GALNT13: variants seen among roughly 807,000 people sequenced by gnomAD.
The protein encoded by GALNT13 is polypeptide N-acetylgalactosaminyltransferase 13.
A neutral mutation model predicts 64.2 loss-of-function variants in GALNT13; 28 were observed. The ratio of observed to expected loss-of-function variants is 0.44; its 90% CI spans 0.32 to 0.60. GALNT13 has a LOEUF of 0.60. Among genes scored for constraint, GALNT13 ranks in the 20% least tolerant of loss-of-function variants. GALNT13 has a pLI of 0.05. For synonymous variants in GALNT13, 214 were observed against 224.6 expected (o/e 0.95, Z 0.42); for missense variants, 577 against 669.8 (o/e 0.86, Z 1.53).
At chr2:154,197,031 C>T (rs564799857) in intron 4 of GALNT13, among the ~76,000 whole-genome samples, 37 of 152,224 alleles carry the variant, frequency 2.4e-4, no homozygotes, top group African/African-American at 7.9e-4. Context: ...AAAGCCTTTT[C>T]GATGTTCAAA....
chr2:153,861,606 G>A, the GALNT13 span, among the ~76,000 whole-genome samples: 4 of 137,214 alleles, frequency 2.9e-5, no homozygotes, highest in Non-Finnish European at 6.1e-5. Flanking sequence ...CGCTGTTGTC[G>A]CCCAGGCTGG....
intron 9 of GALNT13, among the ~76,000 whole-genome samples, chr2:154,348,216 T>C (rs1230584561): frequency 1.3e-5 from 2 of 152,180 alleles, no homozygotes; most frequent in Non-Finnish European, 2.9e-5. Context: ...GCTTAACCAC[T>C]GTGCAATCCT....
the GALNT13 span, among the ~76,000 whole-genome samples, chr2:153,488,356 C>G: frequency 3.9e-4 from 60 of 152,188 alleles, no homozygotes; most frequent in Non-Finnish European, 1.0e-4. Context: ...ACACGCAGTC[C>G]TTGCTAGGGT....
At chr2:154,100,900 G>GTTT (rs1702313784) in intron 3 of GALNT13, among the ~76,000 whole-genome samples, 1 of 151,848 alleles carries the variant, frequency 6.6e-6, no homozygotes, top group Non-Finnish European at 1.5e-5. Flanking sequence ...TTTGTTGAGA[G>GTTT]TTTTTATTTA....
At chr2:153,896,370 G>T (rs1687897968) in intron 1 of GALNT13, among the ~76,000 whole-genome samples, 1 of 149,662 alleles carries the variant, frequency 6.7e-6, no homozygotes, top group African/African-American at 2.4e-5. Flanking sequence ...ATATTTAATA[G>T]GTATATATCA....
At chr2:153,910,455 T>G (rs12053137) in intron 2 of GALNT13, among the ~76,000 whole-genome samples, 108,661 of 151,930 alleles carry the variant, frequency 0.72, 39,140 homozygotes, top group East Asian at 0.9. Flanking sequence ...ATTGATTATG[T>G]TTGTTTCTGG....
At chr2:153,175,037 C>T in the GALNT13 span, among the ~76,000 whole-genome samples, 1 of 152,072 alleles carries the variant, frequency 6.6e-6, no homozygotes, top group African/African-American at 2.4e-5. Flanking sequence ...ACAACTGGGC[C>T]TGATAGTTGA....
At chr2:153,258,087 C>G in the GALNT13 span, among the ~76,000 whole-genome samples, 29 of 152,110 alleles carry the variant, frequency 1.9e-4, no homozygotes, top group African/African-American at 6.3e-4. Context: ...TGGCTGGACT[C>G]AGCTTTAAAA....
the GALNT13 span, among the ~76,000 whole-genome samples, chr2:153,705,996 A>G: frequency 2.0e-5 from 3 of 151,848 alleles, no homozygotes; most frequent in African/African-American, 7.3e-5. Flanking sequence ...GACTATATAT[A>G]TATATATTTT....
the GALNT13 span, among the ~76,000 whole-genome samples, chr2:153,735,877 A>G: frequency 6.6e-6 from 1 of 152,188 alleles, no homozygotes; most frequent in Non-Finnish European, 1.5e-5. Flanking sequence ...AATTTGTCCC[A>G]TTACTGGTGA....
intron 11 of GALNT13, among the ~76,000 whole-genome samples, chr2:154,415,624 G>A (rs549568921): frequency 5.9e-5 from 9 of 152,116 alleles, no homozygotes; most frequent in South Asian, 2.1e-4. Context: ...TCTCCTCCTC[G>A]TCTAACATCT....
chr2:154,232,104 C>A (rs1296158624), intron 4 of GALNT13, among the ~76,000 whole-genome samples: 1 of 151,898 alleles, frequency 6.6e-6, no homozygotes, highest in Non-Finnish European at 1.5e-5. Context: ...TGCCCTGGAT[C>A]ATCTCAGATA....
chr2:153,933,820 GA>G (rs1396650500), intron 2 of GALNT13, among the ~76,000 whole-genome samples: 1 of 152,114 alleles, frequency 6.6e-6, no homozygotes, highest in Non-Finnish European at 1.5e-5. Context: ...TAGCTTGTCT[GA>G]AAAGGATTTT....
At chr2:154,399,502 G>A (rs799746) in intron 10 of GALNT13, among the ~76,000 whole-genome samples, 52,161 of 151,852 alleles carry the variant, frequency 0.34, 9,409 homozygotes, top group African/African-American at 0.45. Flanking sequence ...CAAAGGGGCA[G>A]GACAGCTCCC....
chr2:153,470,202 T>C, the GALNT13 span, among the ~76,000 whole-genome samples: 1 of 152,128 alleles, frequency 6.6e-6, no homozygotes, highest in Admixed American at 6.5e-5. Flanking sequence ...ACCATTGTTA[T>C]AGGTCCTCCA....
the GALNT13 span, among the ~76,000 whole-genome samples, chr2:153,435,944 G>A: frequency 6.6e-6 from 1 of 152,100 alleles, no homozygotes; most frequent in East Asian, 1.9e-4. Flanking sequence ...TGCCCATTCA[G>A]TATGATATTG....
intron 3 of GALNT13, among the ~76,000 whole-genome samples, chr2:154,105,729 A>AT (rs1289679977): frequency 6.6e-6 from 1 of 152,170 alleles, no homozygotes; most frequent in African/African-American, 2.4e-5. Flanking sequence ...CCCTTAGAAT[A>AT]TTTTGCGTTG....
At chr2:154,376,986 T>C (rs1273719538) in intron 9 of GALNT13, among the ~76,000 whole-genome samples, 3 of 152,138 alleles carry the variant, frequency 2.0e-5, no homozygotes, top group Admixed American at 6.6e-5. Flanking sequence ...TAGAACTTAT[T>C]TTGAATATTC....
chr2:153,976,711 T>C (rs546730566), intron 3 of GALNT13, among the ~76,000 whole-genome samples: 2 of 152,218 alleles, frequency 1.3e-5, no homozygotes, highest in South Asian at 4.1e-4. Context: ...CAATCGATTA[T>C]GTTGGGTTAC....
Sources: allele counts gnomAD v4.1 joint callset (sites outside exome capture counted in the v4.1 genomes callset), GRCh38; gene constraint gnomAD v4.1.1; transcripts MANE v1.5; gene names NCBI Gene and HGNC (gene_info 2026-07-23, HGNC 2026-07-21).